The following EDIL3 variants were observed in gnomAD, a reference collection of about 807,000 sequenced individuals.
EDIL3 encodes the protein EGF-like repeat and discoidin I-like domain-containing protein 3.
A neutral mutation model predicts 67.4 loss-of-function variants in EDIL3; 37 were observed. That is an observed-to-expected ratio of 0.55 (90% confidence interval 0.42 to 0.72). The LOEUF (loss-of-function observed/expected upper bound fraction) is 0.72. Ranked by LOEUF, EDIL3 falls within the 30% of genes least tolerant of loss-of-function variation. The probability of loss-of-function intolerance (pLI) is 0.00; values close to 1 mark genes in which losing one functional copy is unlikely to be tolerated. For synonymous variants in EDIL3, 195 were observed against 196.3 expected, an observed-to-expected ratio of 0.99 and a Z score of 0.05; for missense variants, 527 against 586.3, an observed-to-expected ratio of 0.90 and a Z score of 1.04.
chr5:84,243,739 A>G (rs1744844827), intron 2 of EDIL3, among the ~76,000 whole-genome samples: 1 of 152,090 alleles, frequency 6.6e-6, no homozygotes, highest in East Asian at 1.9e-4. Context: ...TGCCCTCCCT[A>G]TTTTTCTTTC....
At chr5:84,278,308 T>G (rs1487412511) in intron 1 of EDIL3, among the ~76,000 whole-genome samples, 1 of 152,192 alleles carries the variant, frequency 6.6e-6, no homozygotes, top group Non-Finnish European at 1.5e-5. Context: ...ACGTCATCTG[T>G]AACTAAATAT....
At chr5:84,186,434 G>C (rs1431940594) in intron 3 of EDIL3, among the ~76,000 whole-genome samples, 1 of 151,988 alleles carries the variant, frequency 6.6e-6, no homozygotes, top group Non-Finnish European at 1.5e-5. Context: ...TATTAAAATT[G>C]TCAGCAGCTG....
intron 1 of EDIL3, among the ~76,000 whole-genome samples, chr5:84,288,096 C>G (rs1745844936): frequency 6.6e-6 from 1 of 152,160 alleles, no homozygotes; most frequent in African/African-American, 2.4e-5. Context: ...ATAATTTCCC[C>G]AGACCTACTT....
At chr5:84,181,394 G>A (rs1749010549) in intron 3 of EDIL3, among the ~76,000 whole-genome samples, 1 of 152,138 alleles carries the variant, frequency 6.6e-6, no homozygotes, top group Non-Finnish European at 1.5e-5. Context: ...GGGGCATAGA[G>A]CTAGCTGGGC....
chr5:84,120,770 C>T (rs1196124835), intron 5 of EDIL3, among the ~76,000 whole-genome samples: 2 of 151,896 alleles, frequency 1.3e-5, no homozygotes, highest in Admixed American at 1.3e-4. Flanking sequence ...TGTCTTTATA[C>T]AGGTCTCTTT....
chr5:84,115,423 A>C (rs1580334108), intron 5 of EDIL3, among the ~76,000 whole-genome samples: 1 of 152,228 alleles, frequency 6.6e-6, no homozygotes, highest in Non-Finnish European at 1.5e-5. Context: ...AAACTATAAT[A>C]AAAATTGTCT....
intron 1 of EDIL3, among the ~76,000 whole-genome samples, chr5:84,322,965 T>C (rs10473884): frequency 0.41 from 62,260 of 151,720 alleles, 13,056 homozygotes; most frequent in South Asian, 0.49. Flanking sequence ...TATCCTGCAA[T>C]ACTGTCTTCA....
intron 3 of EDIL3, among the ~76,000 whole-genome samples, chr5:84,209,208 C>T (rs936803401): frequency 6.6e-6 from 1 of 151,108 alleles, no homozygotes. Flanking sequence ...GGGAACATCA[C>T]ACTCTGGGGA....
At chr5:84,207,125 A>G (rs1743998955) in intron 3 of EDIL3, among the ~76,000 whole-genome samples, 1 of 152,222 alleles carries the variant, frequency 6.6e-6, no homozygotes, top group Non-Finnish European at 1.5e-5. Context: ...TGCAGATGAC[A>G]TGATTGTATA....
chr5:83,993,679 C>T (rs866191494), intron 9 of EDIL3, among the ~76,000 whole-genome samples: 3 of 152,072 alleles, frequency 2.0e-5, no homozygotes, highest in South Asian at 2.1e-4. Flanking sequence ...AATTCTAAAC[C>T]GGTGGTATTT....
intron 5 of EDIL3, among the ~76,000 whole-genome samples, chr5:84,108,068 C>G (rs1747494466): frequency 6.6e-6 from 1 of 151,306 alleles, no homozygotes; most frequent in Non-Finnish European, 1.5e-5. Context: ...GTGATTATGA[C>G]CAAGTACATT....
chr5:84,236,871 G>T (rs974350087), intron 2 of EDIL3, among the ~76,000 whole-genome samples: 1 of 151,620 alleles, frequency 6.6e-6, no homozygotes, highest in Admixed American at 6.6e-5. Flanking sequence ...ACTTGTAAGG[G>T]ATAAAGCAGA....
intron 5 of EDIL3, among the ~76,000 whole-genome samples, chr5:84,127,116 C>T (rs546896123): frequency 2.5e-3 from 376 of 152,154 alleles, no homozygotes; most frequent in African/African-American, 4.6e-3. Flanking sequence ...TTCAATTTTT[C>T]GGGATTTCGT....
At chr5:84,034,816 T>C (rs1374345424) in intron 9 of EDIL3, among the ~76,000 whole-genome samples, 1 of 152,118 alleles carries the variant, frequency 6.6e-6, no homozygotes, top group African/African-American at 2.4e-5. Flanking sequence ...TTGGATCTAG[T>C]TTGGTATTTT....
intron 9 of EDIL3, among the ~76,000 whole-genome samples, chr5:84,008,389 A>G (rs938809497): frequency 1.3e-5 from 2 of 152,134 alleles, no homozygotes; most frequent in Non-Finnish European, 2.9e-5. Flanking sequence ...GTATCAAAAT[A>G]CCTCACATAT....
chr5:83,975,307 C>T (rs1167375898), intron 9 of EDIL3, among the ~76,000 whole-genome samples: 2 of 152,086 alleles, frequency 1.3e-5, no homozygotes, highest in African/African-American at 4.8e-5. Context: ...TTTTAAAAAT[C>T]ACAGTCTTAA....
intron 9 of EDIL3, among the ~76,000 whole-genome samples, chr5:84,007,322 C>A (rs56711876): frequency 0.12 from 18,594 of 151,970 alleles, 2,820 homozygotes; most frequent in African/African-American, 0.36. Flanking sequence ...AAGCAATCAA[C>A]GAAGTGAAGA....
chr5:84,308,322 A>G (rs1746313891), intron 1 of EDIL3, among the ~76,000 whole-genome samples: 1 of 152,228 alleles, frequency 6.6e-6, no homozygotes, highest in Non-Finnish European at 1.5e-5. Flanking sequence ...GGATATGCAA[A>G]TAGGCAGATA....
chr5:84,327,066 C>T (rs142359023), intron 1 of EDIL3, among the ~76,000 whole-genome samples: 21 of 151,978 alleles, frequency 1.4e-4, no homozygotes, highest in Middle Eastern at 3.4e-3. Context: ...ACGATTACTA[C>T]AATCAAGATA....
Sources: allele counts gnomAD v4.1 joint callset (sites outside exome capture counted in the v4.1 genomes callset), GRCh38; gene constraint gnomAD v4.1.1; transcripts MANE v1.5; gene names NCBI Gene and HGNC (gene_info 2026-07-23, HGNC 2026-07-21).